The following ADAMTSL1 variants were observed in gnomAD, a reference collection of about 807,000 sequenced individuals.
ADAMTSL1 encodes ADAMTS-like protein 1.
ADAMTSL1 carries 126 observed loss-of-function variants against 201.8 expected under a neutral mutation model. That is an observed-to-expected ratio of 0.62 (90% confidence interval 0.54 to 0.72). ADAMTSL1 has a LOEUF of 0.72. Ranked by LOEUF, ADAMTSL1 falls within the 30% of genes least tolerant of loss-of-function variation. ADAMTSL1 has a pLI of 0.00. For synonymous variants in ADAMTSL1, 1,121 were observed against 903.4 expected (o/e 1.24, Z -4.32); for missense variants, 2,679 against 2,277.8 (o/e 1.18, Z -3.59).
intron 2 of ADAMTSL1, among the ~76,000 whole-genome samples, chr9:18,267,576 T>C (rs917136578): frequency 2.0e-5 from 3 of 152,084 alleles, no homozygotes; most frequent in African/African-American, 7.2e-5. Flanking sequence ...AGTTCTTACT[T>C]AGTTAAGAGG....
At chr9:18,323,632 A>C (rs897524874) in intron 2 of ADAMTSL1, among the ~76,000 whole-genome samples, 3 of 152,196 alleles carry the variant, frequency 2.0e-5, no homozygotes, top group Admixed American at 6.5e-5. Flanking sequence ...AAACATTTAC[A>C]AGTAGCAAGA....
At chr9:18,279,834 C>G (rs1832716954) in intron 2 of ADAMTSL1, among the ~76,000 whole-genome samples, 1 of 152,120 alleles carries the variant, frequency 6.6e-6, no homozygotes, top group Non-Finnish European at 1.5e-5. Context: ...GGTGGGCCAG[C>G]CTGGAGCCTG....
chr9:18,213,821 C>T (rs556239021), intron 2 of ADAMTSL1, among the ~76,000 whole-genome samples: 1 of 152,234 alleles, frequency 6.6e-6, no homozygotes, highest in African/African-American at 2.4e-5. Flanking sequence ...TTCACTGCAA[C>T]TTCCACTTCC....
intron 2 of ADAMTSL1, among the ~76,000 whole-genome samples, chr9:18,357,356 C>G (rs887474789): frequency 6.6e-6 from 1 of 151,924 alleles, no homozygotes; most frequent in African/African-American, 2.4e-5. Flanking sequence ...ATTGGTAATC[C>G]CTTTGGTAGA....
intron 2 of ADAMTSL1, among the ~76,000 whole-genome samples, chr9:18,522,548 G>A (rs574353364): frequency 7.2e-5 from 11 of 151,894 alleles, no homozygotes; most frequent in South Asian, 2.1e-4. Context: ...CCATTAACTC[G>A]TTATTTACAT....
At chr9:18,528,350 C>T (rs1488811939) in intron 2 of ADAMTSL1, among the ~76,000 whole-genome samples, 2 of 152,132 alleles carry the variant, frequency 1.3e-5, no homozygotes, top group Non-Finnish European at 2.9e-5. Flanking sequence ...TCTCCCTCCC[C>T]ACAGCCTCCC....
intron 1 of ADAMTSL1, among the ~76,000 whole-genome samples, chr9:17,968,773 T>A (rs1203077987): frequency 6.6e-6 from 1 of 152,118 alleles, no homozygotes; most frequent in Non-Finnish European, 1.5e-5. Flanking sequence ...AGATCAGTTA[T>A]TTTTAAAAGG....
chr9:18,218,411 A>T (rs1830132509), intron 2 of ADAMTSL1, among the ~76,000 whole-genome samples: 1 of 152,172 alleles, frequency 6.6e-6, no homozygotes, highest in Non-Finnish European at 1.5e-5. Flanking sequence ...AAATATATTG[A>T]CTGCTTGCTA....
In ADAMTSL1 at chr9:18,359,490, A is replaced by T. The variant is rs538615898; in HGVS notation, c.208-145339A>T. On this transcript the variant is annotated intron_variant, in intron 2 of 29. Transcript: ENST00000680146. Reference sequence around the variant, plus strand: ...GTGAGGACAATGTTTGACCCAAAAGATGGTTACTAATGGTGGTTTCTTTAC... The same window carrying T: ...GTGAGGACAATGTTTGACCCAAAAGTTGGTTACTAATGGTGGTTTCTTTAC... Among the ~76,000 whole-genome samples, 32 of 152,312 alleles carry T rather than the reference A, an allele frequency of 2.1e-4. No individual in the cohort carries two copies. In the South Asian group the frequency reaches 6.4e-3, roughly 31 times the overall value.
chr9:18,335,213 T>A (rs890454319), intron 2 of ADAMTSL1, among the ~76,000 whole-genome samples: 5 of 152,262 alleles, frequency 3.3e-5, no homozygotes, highest in African/African-American at 7.2e-5. Context: ...TTTGTTTTTT[T>A]AAAAAATATA....
chr9:17,938,241 TA>T (rs546438543), intron 1 of ADAMTSL1, among the ~76,000 whole-genome samples: 122 of 152,230 alleles, frequency 8.0e-4, no homozygotes, highest in African/African-American at 2.9e-3. Context: ...CAGGGAGGCG[TA>T]ACAGTCCTGT....
intron 2 of ADAMTSL1, among the ~76,000 whole-genome samples, chr9:18,454,609 G>A (rs917881755): frequency 2.0e-5 from 3 of 152,106 alleles, no homozygotes; most frequent in African/African-American, 7.2e-5. Flanking sequence ...GGCAATTCAG[G>A]CTTGCATTTT....
chr9:18,356,837 A>G (rs1018186046), intron 2 of ADAMTSL1, among the ~76,000 whole-genome samples: 2 of 152,198 alleles, frequency 1.3e-5, no homozygotes, highest in African/African-American at 4.8e-5. Context: ...TTGTCCATTA[A>G]TTCATGTTCT....
chr9:18,009,010 C>T (rs750800447), intron 1 of ADAMTSL1, among the ~76,000 whole-genome samples: 2 of 151,944 alleles, frequency 1.3e-5, no homozygotes, highest in African/African-American at 2.4e-5. Context: ...ATGACTATCA[C>T]GAGCTCCATG....
Position 18,809,204 on chromosome 9 carries a change from C to T in ADAMTSL1, c.3806-7905C>T, listed in dbSNP as rs373938630. On this transcript the variant is annotated intron_variant, in intron 20 of 28. Transcript: ENST00000380548. Reference sequence around the variant, plus strand: ...AGTTGTCCCCATCTAAAGTATACATCTCTTCACCTCCATACCACACACAGG... The same window carrying T: ...AGTTGTCCCCATCTAAAGTATACATTTCTTCACCTCCATACCACACACAGG... 7.9e-5 allele frequency among the ~76,000 whole-genome samples: 12 copies of T among 152,288 alleles called. 1 individual carries two copies. In the East Asian group the frequency reaches 2.1e-3, roughly 27 times the overall value.
chr9:17,971,774 C>A (rs1407106438), intron 1 of ADAMTSL1, among the ~76,000 whole-genome samples: 1 of 151,904 alleles, frequency 6.6e-6, no homozygotes, highest in Admixed American at 6.6e-5. Flanking sequence ...ACATTTTTAA[C>A]TTCTTAAATG....
chr9:18,879,185 T>A (rs886408860), intron 23 of ADAMTSL1, among the ~76,000 whole-genome samples: 21 of 152,260 alleles, frequency 1.4e-4, no homozygotes, highest in African/African-American at 5.1e-4. Flanking sequence ...GAGAATGAAT[T>A]TGAGATGATG....
chr9:18,688,689 A>AAAAAATATATATATATATATATAT (rs1554730404), intron 13 of ADAMTSL1, among the ~76,000 whole-genome samples: 2 of 8,650 alleles, frequency 2.3e-4, no homozygotes, highest in Non-Finnish European at 2.2e-4. Context: ...AAAAAAAAAA[A>AAAAAATATATATATATATATATAT]ATATATATAT....
intron 2 of ADAMTSL1, among the ~76,000 whole-genome samples, chr9:18,202,773 GT>G (rs1051292291): frequency 1.1e-4 from 17 of 152,184 alleles, no homozygotes; most frequent in Admixed American, 1.0e-3. Flanking sequence ...TGTCTTCTTT[GT>G]TTTTTTCATC....
Sources: gnomAD v4.1 joint callset for allele counts (sites outside exome capture counted in the v4.1 genomes callset) on GRCh38, gnomAD v4.1.1 for gene constraint, MANE v1.5 for transcripts, NCBI Gene and HGNC (gene_info 2026-07-23, HGNC 2026-07-21) for gene names.